EMP2: variants seen among roughly 807,000 people sequenced by gnomAD.
The protein encoded by EMP2 is epithelial membrane protein 2.
Under a neutral mutation model 13.7 loss-of-function variants are expected in EMP2, and 19 were observed. That is an observed-to-expected ratio of 1.38 (90% CI 0.97 to 2.03). The LOEUF (loss-of-function observed/expected upper bound fraction) is 2.03, where lower values mean the gene tolerates loss of function less well. Ranked by LOEUF, EMP2 falls within the 30% of genes most tolerant of loss-of-function variation. EMP2 has a pLI of 0.00. For missense variants in EMP2, 253 were observed against 220.7 expected, an observed-to-expected ratio of 1.15 and a Z score of -0.93; for synonymous variants, 97 against 84.7, an observed-to-expected ratio of 1.15 and a Z score of -0.80.
rs536456826 is a variant in EMP2, at chr16:10,568,516, A to C, written c.-61+12033T>G. 1.1e-3 allele frequency among the ~76,000 whole-genome samples: 170 copies of C among 152,276 alleles called. 1 individual carries two copies. Among genetic ancestry groups the C allele is most frequent in the African/African-American group, 3.9e-3 (163 of 41,576 alleles). ...TTCCCAACACCAAGACCCTGCTGCT[A>C]GAGTGGCAAATCCTGTCCCACTAAC... On this transcript the variant is annotated intron_variant, in intron 1 of 4. Transcript: ENST00000359543.
chr16:10,567,480 T>C (rs2050914759), intron 1 of EMP2, among the ~76,000 whole-genome samples: 1 of 152,130 alleles, frequency 6.6e-6, no homozygotes, highest in South Asian at 2.1e-4. Context: ...ACAATGAGGA[T>C]GCTTGGGGCA....
At chr16:10,550,351 CA>C (rs1302971965) in intron 1 of EMP2, among the ~76,000 whole-genome samples, 1 of 152,188 alleles carries the variant, frequency 6.6e-6, no homozygotes, top group Non-Finnish European at 1.5e-5. Flanking sequence ...CAAGCTGATA[CA>C]CTGCATTTTC....
chr16:10,570,869 T>C (rs1454795917), intron 1 of EMP2, among the ~76,000 whole-genome samples: 1 of 151,796 alleles, frequency 6.6e-6, no homozygotes, highest in Non-Finnish European at 1.5e-5. Flanking sequence ...TCTTAAAGGA[T>C]AAAGAATTAG....
chr16:10,576,187 CAAGAAG>C (rs3830442), intron 1 of EMP2, among the ~76,000 whole-genome samples: 1 of 152,102 alleles, frequency 6.6e-6, no homozygotes, highest in East Asian at 1.9e-4. Flanking sequence ...CAATACCAAT[CAAGAAG>C]AAGACATAAT....
intron 2 of EMP2, chr16:10,544,782 G>A (rs1384636350): frequency 6.6e-6 from 1 of 152,346 alleles, no homozygotes; most frequent in Non-Finnish European, 1.5e-5. Flanking sequence ...CTACTCAGGA[G>A]TCTGAGGTGG....
At chr16:10,543,461 A>G in intron 3 of EMP2, 109 bp downstream of exon 3, 1 of 1,247,358 alleles carries the variant, frequency 8.0e-7, no homozygotes, top group Non-Finnish European at 1.2e-6. Flanking sequence ...CCACCGGAGT[A>G]TGCAGTGAGT....
chr16:10,554,455 C>T (rs1327765084), intron 1 of EMP2, among the ~76,000 whole-genome samples: 1 of 152,064 alleles, frequency 6.6e-6, no homozygotes. Context: ...ACCAGCTTCC[C>T]CAGGGCTTTT....
intron 1 of EMP2, among the ~76,000 whole-genome samples, chr16:10,556,151 T>C (rs938160180): frequency 2.6e-5 from 4 of 152,232 alleles, no homozygotes; most frequent in African/African-American, 7.2e-5. Flanking sequence ...TGTACTATGA[T>C]TGCACTTTTC....
At chr16:10,554,080 G>T (rs1278616456) in intron 1 of EMP2, among the ~76,000 whole-genome samples, 2 of 146,908 alleles carry the variant, frequency 1.4e-5, no homozygotes, top group Admixed American at 6.9e-5. Flanking sequence ...CACCCAGGCT[G>T]GAGTGCAGTG....
In EMP2 at chr16:10,553,364, A is replaced by G. The variant is rs1200969245; in HGVS notation, c.-60-5687T>C. 5.3e-5 allele frequency among the ~76,000 whole-genome samples: 8 copies of G among 151,882 alleles called. 1 individual carries two copies. Among genetic ancestry groups the G allele is most frequent in the Admixed American group, 5.2e-4 (8 of 15,254 alleles). ...GTGGCGGTAGCCGTACCAGAGTAAC[A>G]CTCTCTGCCTCGTCCCGCCCCTCAC... On this transcript the variant is annotated intron_variant, in intron 1 of 4. Coordinates refer to ENST00000359543, the MANE Select transcript of EMP2 (RefSeq NM_001424.6).
At chr16:10,541,515 C>T (rs892755741) in intron 3 of EMP2, among the ~76,000 whole-genome samples, 1 of 152,146 alleles carries the variant, frequency 6.6e-6, no homozygotes, top group East Asian at 1.9e-4. Context: ...TCGCCAACCC[C>T]TGTTTTAAAG....
intron 1 of EMP2, chr16:10,559,089 C>T (rs2050854194): frequency 6.6e-6 from 1 of 152,382 alleles, no homozygotes; most frequent in East Asian, 1.9e-4. Flanking sequence ...GGCTCTGGCC[C>T]AGAACCCTGG....
chr16:10,569,976 T>C (rs1430068994), intron 1 of EMP2, among the ~76,000 whole-genome samples: 2 of 152,164 alleles, frequency 1.3e-5, no homozygotes, highest in South Asian at 2.1e-4. Flanking sequence ...CCAAACCCCC[T>C]GCCCTTGCAG....
intron 1 of EMP2, among the ~76,000 whole-genome samples, chr16:10,574,838 C>T (rs1045117731): frequency 6.6e-6 from 1 of 152,186 alleles, no homozygotes; most frequent in African/African-American, 2.4e-5. Context: ...GCGTGAGCCA[C>T]CGTGCCCGGC....
intron 4 of EMP2, among the ~76,000 whole-genome samples, chr16:10,537,104 A>C (rs1162152380): frequency 6.6e-6 from 1 of 152,072 alleles, no homozygotes; most frequent in East Asian, 1.9e-4. Context: ...CCACACCCAG[A>C]TTTCTTGCCT....
At chr16:10,577,304 G>A (rs556548251) in intron 1 of EMP2, among the ~76,000 whole-genome samples, 12 of 152,234 alleles carry the variant, frequency 7.9e-5, no homozygotes, top group Non-Finnish European at 1.3e-4. Flanking sequence ...CTCTGGAGCC[G>A]TGCAGGACAG....
intron 1 of EMP2, among the ~76,000 whole-genome samples, chr16:10,570,008 A>G (rs2050936134): frequency 6.6e-6 from 1 of 151,950 alleles, no homozygotes; most frequent in African/African-American, 2.4e-5. Context: ...ATGCTCACCC[A>G]AGCCTCCCTT....
chr16:10,551,433 G>A (rs1362976860), intron 1 of EMP2, among the ~76,000 whole-genome samples: 1 of 152,158 alleles, frequency 6.6e-6, no homozygotes, highest in African/African-American at 2.4e-5. Flanking sequence ...TTGAGACAGA[G>A]TCTTGCTCCG....
In EMP2 at chr16:10,580,239, C is replaced by G. The variant is rs1268092789; in HGVS notation, c.-61+310G>C. 6.6e-6 allele frequency among the ~76,000 whole-genome samples: 1 copy of G among 152,162 alleles called. No individual in the cohort carries two copies. The highest frequency in any genetic ancestry group is 1.5e-5 in the Non-Finnish European group (1 of 68,032). ...GGGATCTCCCTGGACTCCAAGAGCC[C>G]CGGGTGTAAGTCCGGCGGGGCGAGG... is the stretch of plus-strand genomic sequence containing the variant. On this transcript the variant is annotated intron_variant, in intron 1 of 4. Transcript: ENST00000359543. The surrounding 1 kb of genome is among the most constrained non-coding windows in gnomAD (Gnocchi z 4.3).
Sources: allele counts gnomAD v4.1 joint callset (sites outside exome capture counted in the v4.1 genomes callset), GRCh38; gene constraint gnomAD v4.1.1; non-coding constraint Gnocchi (gnomAD v3.1); transcripts MANE v1.5; gene names NCBI Gene and HGNC (gene_info 2026-07-23, HGNC 2026-07-21).